THBS2: variants seen among roughly 807,000 people sequenced by gnomAD.
THBS2 encodes thrombospondin 2, also known as thrombospondin-2.
In THBS2, 47 loss-of-function variants were observed where a neutral mutation model predicts 135.2. That is an observed-to-expected ratio of 0.35 (90% confidence interval 0.28 to 0.44). THBS2 has a LOEUF of 0.44. THBS2 is among the 20% of genes least tolerant of loss of function. The pLI is 1.00. For missense variants in THBS2, 1,288 were observed against 1,603.1 expected, an observed-to-expected ratio of 0.80 and a Z score of 3.36; for synonymous variants, 639 against 633.8, an observed-to-expected ratio of 1.01 and a Z score of -0.12.
intron 16 of THBS2, 33 bp downstream of exon 16, chr6:169,226,147 C>T (rs1408546746): frequency 9.5e-6 from 15 of 1,576,586 alleles, no homozygotes; most frequent in Admixed American, 1.7e-5. Context: ...CTGATGAGGA[C>T]CTCCAACCCC....
rs941086242 is a variant in THBS2, at chr6:169,241,413, G to A, written c.891+349C>T. On this transcript the variant is annotated intron_variant, in intron 5 of 21. Transcript: ENST00000617924. The surrounding 1 kb of genome is among the most constrained non-coding windows in gnomAD (Gnocchi z 5.5). ...TTTTCCTCTGCAGGTGTGTGTGTGT[G>A]TGTATGTGTGTGTATGTGTGTGTGT... is the stretch of plus-strand genomic sequence containing the variant. Among the ~76,000 whole-genome samples the A allele has an allele frequency of 4.3e-5, 6 of 140,678 alleles. No homozygotes were observed. The highest frequency in any genetic ancestry group is 9.1e-5 in the Non-Finnish European group (6 of 65,742). 92.3% of individuals were successfully genotyped at this position (140,678 alleles called of 152,430 possible).
chr6:169,240,175 G>A (rs1780239344), intron 6 of THBS2, among the ~76,000 whole-genome samples: 1 of 152,244 alleles, frequency 6.6e-6, no homozygotes, highest in African/African-American at 2.4e-5. Flanking sequence ...CTAGGGCCAT[G>A]TCTGGCTTCT....
At chr6:169,218,167 GTGGA>G (rs1344222780) in intron 21 of THBS2, among the ~76,000 whole-genome samples, 3 of 147,210 alleles carry the variant, frequency 2.0e-5, no homozygotes, top group African/African-American at 7.7e-5. Flanking sequence ...AAATGAGTGG[GTGGA>G]TGGATGGATG....
intron 12 of THBS2, 58 bp from the exon 13 acceptor site, chr6:169,232,256 C>T (rs892162034): frequency 1.3e-5 from 21 of 1,583,724 alleles, no homozygotes; most frequent in Non-Finnish European, 6.9e-6. Context: ...CCGGAGGCGT[C>T]GAGGCGGGGC....
At chr6:169,238,759 C>T (rs1262414484) in intron 7 of THBS2, among the ~76,000 whole-genome samples, 1 of 152,234 alleles carries the variant, frequency 6.6e-6, no homozygotes, top group Non-Finnish European at 1.5e-5. Flanking sequence ...CATTCTCTGT[C>T]CACATCAGAG....
Position 169,237,184 on chromosome 6 carries a change from C to G in THBS2, c.1463G>C (p.Gly488Ala). Residue 488 changes from glycine (G) to alanine (A), a missense_variant, in exon 9 of 22, where the codon GGC (glycine) becomes GCC (alanine). This residue lies in a region of THBS2 where 874 missense variants were observed against 1,156.1 expected (regional missense o/e 0.76). Coordinates refer to ENST00000617924, the MANE Select transcript of THBS2 (RefSeq NM_003247.5). ...ACCGTACTTACTTGGGCATGGGGCG[C>G]CCTGGCAGGCTTTGGTCTCCCGGCC... The part of the protein sequence containing the change: ...GSGRETKACQ[G>A]APCPIDGRWS... The G allele has an allele frequency of 6.2e-7, 1 of 1,608,068 alleles. No homozygotes were observed. Among genetic ancestry groups the G allele is most frequent in the Non-Finnish European group, 8.5e-7 (1 of 1,179,228 alleles).
chr6:169,232,517 C>CAGGT, intron 12 of THBS2, 147 bp downstream of exon 12: 2 of 1,356,896 alleles, frequency 1.5e-6, no homozygotes, highest in South Asian at 2.8e-5. Flanking sequence ...CCCAGCCGAG[C>CAGGT]AGGTGCTCAG....
intron 9 of THBS2, among the ~76,000 whole-genome samples, chr6:169,235,676 G>A (rs58457955): frequency 0.053 from 7,756 of 145,002 alleles, 259 homozygotes; most frequent in African/African-American, 0.087. Context: ...CTCACTCCCC[G>A]TCCACACTCA....
At chr6:169,227,910 C>T (rs552663357) in intron 15 of THBS2, among the ~76,000 whole-genome samples, 1 of 152,038 alleles carries the variant, frequency 6.6e-6, no homozygotes, top group South Asian at 2.1e-4. Flanking sequence ...GGTGAAACCT[C>T]GTCTCTACTT....
Position 169,216,389 on chromosome 6 carries a change from A to C in THBS2, c.*1433T>G, listed in dbSNP as rs1377781036. On this transcript the variant is annotated 3_prime_UTR_variant, in exon 22 of 22. Transcript: ENST00000617924. ...TGGGATGAGTGACTATTTCCTGCAG[A>C]AAGATCATGCAACTTAAAGCAAAAA... The C allele has an allele frequency of 1.3e-5, 2 of 151,880 alleles. No homozygotes were observed. The highest frequency in any genetic ancestry group is 4.8e-5 in the African/African-American group (2 of 41,250). The allele number at this position is 151,880 out of a possible 1,614,324, so 9.4% of individuals were successfully genotyped here. A position where few individuals can be genotyped will look rare whatever the true frequency, so the allele number is the denominator to read the frequency against.
intron 4 of THBS2, among the ~76,000 whole-genome samples, chr6:169,242,812 C>T (rs1395125074): frequency 7.1e-6 from 1 of 140,500 alleles, no homozygotes; most frequent in African/African-American, 2.7e-5. Flanking sequence ...CCCACCTTCC[C>T]ACCACTCCCA....
intron 14 of THBS2, among the ~76,000 whole-genome samples, chr6:169,228,600 T>C (rs1431488080): frequency 6.6e-6 from 1 of 150,542 alleles, no homozygotes; most frequent in Non-Finnish European, 1.5e-5. Context: ...CCGGGCGCAG[T>C]GGCTCACACC....
chr6:169,247,963 T>C (rs771815527), intron 3 of THBS2, among the ~76,000 whole-genome samples: 5 of 151,834 alleles, frequency 3.3e-5, no homozygotes, highest in African/African-American at 9.7e-5. Flanking sequence ...TGCGTGCCCA[T>C]GTATGGTGTT....
chr6:169,223,512 CAAAG>C (rs780775986), intron 17 of THBS2, 37 bp from the exon 18 acceptor site: 85 of 1,585,358 alleles, frequency 5.4e-5, no homozygotes, highest in Non-Finnish European at 6.8e-5. Flanking sequence ...AAAACAAAAA[CAAAG>C]AAGCAAAGTC....
At chr6:169,221,816 C>A (rs1433341178) in intron 19 of THBS2, among the ~76,000 whole-genome samples, 2 of 152,142 alleles carry the variant, frequency 1.3e-5, no homozygotes, top group Non-Finnish European at 2.9e-5. Context: ...TGGATCTTCT[C>A]TTTCCTTGAT....
intron 12 of THBS2, 72 bp from the exon 13 acceptor site, chr6:169,232,270 G>C (rs1331784862): frequency 6.6e-6 from 10 of 1,526,652 alleles, no homozygotes; most frequent in Non-Finnish European, 9.0e-6. Context: ...GCGGGGCGTC[G>C]GGCACCGCAG....
intron 5 of THBS2, among the ~76,000 whole-genome samples, chr6:169,240,833 G>A (rs910507532): frequency 6.6e-5 from 10 of 152,250 alleles, no homozygotes; most frequent in African/African-American, 1.7e-4. Context: ...CCTGGAGAGC[G>A]GAAATCGCGT....
intron 9 of THBS2, among the ~76,000 whole-genome samples, chr6:169,236,293 C>CT: frequency 1.6e-5 from 2 of 124,520 alleles, no homozygotes; most frequent in Non-Finnish European, 3.4e-5. Flanking sequence ...CACACTCATT[C>CT]CCATCCACAG....
At chr6:169,220,445 C>A in intron 20 of THBS2, 108 bp from the exon 21 acceptor site, 1 of 1,402,264 alleles carries the variant, frequency 7.1e-7, no homozygotes, top group South Asian at 1.4e-5. Context: ...GTGGATACTC[C>A]GCCCAGGGCT....
Sources: gnomAD v4.1 joint callset for allele counts (sites outside exome capture counted in the v4.1 genomes callset) on GRCh38, gnomAD v4.1.1 for gene constraint, gnomAD v4.1.1 regional missense constraint, Gnocchi (gnomAD v3.1) non-coding constraint, MANE v1.5 for transcripts, NCBI Gene and HGNC (gene_info 2026-07-23, HGNC 2026-07-21) for gene names.